NCALD: variants seen among roughly 807,000 people sequenced by gnomAD.
NCALD encodes neurocalcin-delta.
In NCALD, 10 loss-of-function variants were observed where a neutral mutation model predicts 18.6. That is an observed-to-expected ratio of 0.54 (90% CI 0.33 to 0.91). The LOEUF (loss-of-function observed/expected upper bound fraction) is 0.91. Ranked by LOEUF, NCALD falls within the 40% of genes least tolerant of loss-of-function variation. The probability of loss-of-function intolerance (pLI) is 0.03; values close to 1 mark genes in which losing one functional copy is unlikely to be tolerated. For synonymous variants in NCALD, 88 were observed against 87.4 expected (o/e 1.01, Z -0.04); for missense variants, 184 against 247.6 (o/e 0.74, Z 1.72).
chr8:101,838,527 G>A (rs1814507850), intron 4 of NCALD, among the ~76,000 whole-genome samples: 1 of 152,170 alleles, frequency 6.6e-6, no homozygotes, highest in Non-Finnish European at 1.5e-5. Context: ...GCCCAGTTAA[G>A]TGTTTCCATC....
At chr8:101,801,824 G>A (rs1180044093) in intron 4 of NCALD, among the ~76,000 whole-genome samples, 6 of 151,616 alleles carry the variant, frequency 4.0e-5, no homozygotes, top group Non-Finnish European at 7.4e-5. Context: ...CCGCCACCAT[G>A]CCCAGCTAAT....
chr8:102,037,644 A>AT (rs544397089), intron 1 of NCALD, among the ~76,000 whole-genome samples: 18,767 of 144,602 alleles, frequency 0.13, 1,363 homozygotes, highest in African/African-American at 0.2. Context: ...TAATTTTCCA[A>AT]TTTTTTTTTT....
intron 1 of NCALD, among the ~76,000 whole-genome samples, chr8:102,033,364 C>G (rs141528893): frequency 1.3e-5 from 2 of 152,270 alleles, no homozygotes; most frequent in South Asian, 2.1e-4. Context: ...TGCTTTGAAT[C>G]AACAACCCCT....
intron 2 of NCALD, among the ~76,000 whole-genome samples, chr8:102,008,184 G>C (rs1262153447): frequency 6.6e-6 from 1 of 152,112 alleles, no homozygotes; most frequent in South Asian, 2.1e-4. Context: ...AGTCACTGAG[G>C]ATCCAAAAAT....
chr8:102,066,457 G>A (rs1178575961), intron 1 of NCALD, among the ~76,000 whole-genome samples: 8 of 152,330 alleles, frequency 5.3e-5, no homozygotes, highest in Middle Eastern at 6.8e-3. Flanking sequence ...CTCACTGTGT[G>A]AGTGGCACGG....
chr8:102,022,940 C>G (rs547328652), intron 1 of NCALD, among the ~76,000 whole-genome samples: 1 of 152,202 alleles, frequency 6.6e-6, no homozygotes, highest in Admixed American at 6.5e-5. Context: ...TCATTCTTTC[C>G]CTTGACTGGG....
Position 101,880,909 on chromosome 8 carries a change from G to A in NCALD, c.-20+6232C>T, listed in dbSNP as rs192263163. Among the ~76,000 whole-genome samples, 5 of 152,220 alleles carry A rather than the reference G, an allele frequency of 3.3e-5. No individual in the cohort carries two copies. The East Asian group carries it at 9.7e-4, about 29-fold the overall frequency. On this transcript the variant is annotated intron_variant, in intron 4 of 6. Transcript: ENST00000311028. ...TAATGGAGATAAATGTGAAAAGATT[G>A]ATTGAAGCCAGTTACTAGAGGGCCT...
At chr8:101,804,352 A>ATAATTATATCAATTATATATTATATG in intron 4 of NCALD, among the ~76,000 whole-genome samples, 1 of 128,434 alleles carries the variant, frequency 7.8e-6, no homozygotes, top group African/African-American at 2.8e-5. Flanking sequence ...TATATTATAT[A>ATAATTATATCAATTATATATTATATG]TAATTATATC....
intron 4 of NCALD, among the ~76,000 whole-genome samples, chr8:101,875,320 C>A (rs532134147): frequency 2.0e-5 from 3 of 152,368 alleles, no homozygotes; most frequent in African/African-American, 7.2e-5. Context: ...CCCTCCTCAA[C>A]AGGAGGCAAC....
chr8:102,074,762 T>C (rs560909423), intron 1 of NCALD, among the ~76,000 whole-genome samples: 9 of 152,324 alleles, frequency 5.9e-5, no homozygotes, highest in African/African-American at 2.2e-4. Flanking sequence ...CTTTCTTCTA[T>C]AAAGAACTTG....
intron 1 of NCALD, among the ~76,000 whole-genome samples, chr8:101,754,833 C>T (rs1220776302): frequency 2.0e-5 from 3 of 151,860 alleles, no homozygotes; most frequent in Non-Finnish European, 2.9e-5. Context: ...GGCACAGGGC[C>T]AGTCCATATG....
At chr8:101,982,185 T>C (rs932431672) in intron 2 of NCALD, among the ~76,000 whole-genome samples, 11 of 152,188 alleles carry the variant, frequency 7.2e-5, no homozygotes, top group African/African-American at 2.4e-4. Flanking sequence ...GTGAGTCAAA[T>C]AAACCTCTTT....
chr8:102,051,610 C>T (rs1311721275), intron 1 of NCALD, among the ~76,000 whole-genome samples: 8 of 152,344 alleles, frequency 5.3e-5, no homozygotes, highest in Admixed American at 6.5e-5. Flanking sequence ...ATCTCAAACT[C>T]ATTTACATGG....
chr8:101,793,672 T>C (rs1812531957), upstream of NCALD, among the ~76,000 whole-genome samples: 1 of 152,180 alleles, frequency 6.6e-6, no homozygotes, highest in Admixed American at 6.5e-5. Context: ...CACAGCCCAC[T>C]ACACTGAAGA....
intron 2 of NCALD, among the ~76,000 whole-genome samples, chr8:101,995,880 G>C (rs1821223197): frequency 6.6e-6 from 1 of 152,186 alleles, no homozygotes; most frequent in Admixed American, 6.5e-5. Flanking sequence ...TGAATTCCGA[G>C]CAATCTCTTC....
At chr8:102,020,985 T>G (rs774482902) in intron 1 of NCALD, among the ~76,000 whole-genome samples, 32 of 152,304 alleles carry the variant, frequency 2.1e-4, no homozygotes, top group Middle Eastern at 3.4e-3. Context: ...TACTTGTCCT[T>G]CCATTCTCCA....
intron 4 of NCALD, among the ~76,000 whole-genome samples, chr8:101,829,326 AC>A (rs1248574665): frequency 6.6e-6 from 1 of 152,240 alleles, no homozygotes; most frequent in Non-Finnish European, 1.5e-5. Context: ...CAAGGAACTT[AC>A]AAAGAACCTG....
intron 1 of NCALD, among the ~76,000 whole-genome samples, chr8:102,120,211 T>C (rs1214057517): frequency 6.6e-6 from 1 of 152,196 alleles, no homozygotes; most frequent in African/African-American, 2.4e-5. Flanking sequence ...TCTGTTGCTT[T>C]GCAATCCAAA....
intron 4 of NCALD, among the ~76,000 whole-genome samples, chr8:101,799,788 A>C (rs1812772940): frequency 6.6e-6 from 1 of 152,184 alleles, no homozygotes; most frequent in Non-Finnish European, 1.5e-5. Flanking sequence ...GAAGCCAGGA[A>C]AGTACGCTGG....
Sources: gnomAD v4.1 joint callset for allele counts (sites outside exome capture counted in the v4.1 genomes callset) on GRCh38, gnomAD v4.1.1 for gene constraint, MANE v1.5 for transcripts, NCBI Gene and HGNC (gene_info 2026-07-23, HGNC 2026-07-21) for gene names.